OTUD7A: variants seen among roughly 807,000 people sequenced by gnomAD.
The protein encoded by OTUD7A is OTU domain-containing protein 7A.
In OTUD7A, 12 loss-of-function variants were observed where a neutral mutation model predicts 65.7. The ratio of observed to expected loss-of-function variants is 0.18; its 90% confidence interval spans 0.12 to 0.30. The LOEUF (loss-of-function observed/expected upper bound fraction) is 0.30, where lower values mean the gene tolerates loss of function less well. Ranked by LOEUF, OTUD7A falls within the 10% of genes least tolerant of loss-of-function variation. The pLI, the probability that OTUD7A is intolerant of heterozygous loss-of-function variation, is 1.00. For missense variants in OTUD7A, 1,148 were observed against 1,304.8 expected (o/e 0.88, Z 1.85); for synonymous variants, 641 against 586.3 (o/e 1.09, Z -1.35).
At chr15:31,771,202 A>G (rs1053872938) in intron 1 of OTUD7A, among the ~76,000 whole-genome samples, 1 of 152,226 alleles carries the variant, frequency 6.6e-6, no homozygotes, top group Admixed American at 6.5e-5. Flanking sequence ...AAGGTCATAG[A>G]AGGGTAGATA....
intron 5 of OTUD7A, among the ~76,000 whole-genome samples, chr15:31,535,361 T>C (rs28401427): frequency 0.39 from 59,581 of 151,998 alleles, 12,268 homozygotes; most frequent in East Asian, 0.68. Context: ...CTTCCCCTTC[T>C]GCCATGATTG....
At chr15:31,867,551 G>T in intron 1 of OTUD7A, among the ~76,000 whole-genome samples, 1 of 152,182 alleles carries the variant, frequency 6.6e-6, no homozygotes, top group East Asian at 1.9e-4. Flanking sequence ...GGGTCCCAGG[G>T]CCTAAGTCAA....
intron 1 of OTUD7A, among the ~76,000 whole-genome samples, chr15:31,802,664 A>G (rs776698836): frequency 7.9e-5 from 12 of 152,254 alleles, no homozygotes; most frequent in Non-Finnish European, 1.5e-4. Context: ...CTGCAATAGC[A>G]CATTTGAGAT....
rs1373426500 is a variant in OTUD7A, at chr15:31,860,646, T to TATGTGTGTATATATAG, written c.-100+9860_-100+9861insCTATATATACACACAT. Among the ~76,000 whole-genome samples the TATGTGTGTATATATAG allele has an allele frequency of 4.4e-5, 5 of 113,882 alleles. 1 individual carries two copies. Among genetic ancestry groups the TATGTGTGTATATATAG allele is most frequent in the African/African-American group, 1.5e-4 (5 of 32,802 alleles). The allele number at this position is 113,882 out of a possible 152,430, so 74.7% of individuals were successfully genotyped here. A position where few individuals can be genotyped will look rare whatever the true frequency, so the allele number is the denominator to read the frequency against. ...AGATATATATATATATATATATATG[T>TATGTGTGTATATATAG]ATGTATGTGTGTATATATAGATGTA... On this transcript the variant is annotated intron_variant, in intron 1 of 12. Transcript: ENST00000307050.
At position 31,768,090 on chromosome 15, in the gene OTUD7A, TA is replaced by T. The variant is rs930735193; in HGVS notation, c.-100+102416del. The T allele has an allele frequency of 3.1e-6, 5 of 1,598,260 alleles. No homozygotes were observed. The African/African-American group carries it at 6.7e-5, about 21-fold the overall frequency. ...GCTGTGAAACAATTGCCATATTTTT[TA>T]AAGTGTTGTCTGTGTTTTCTTAGAG... is the stretch of plus-strand genomic sequence containing the variant. On this transcript the variant is annotated intron_variant, in intron 1 of 12. Coordinates refer to ENST00000307050, the MANE Select transcript of OTUD7A (RefSeq NM_001382637.1).
intron 1 of OTUD7A, among the ~76,000 whole-genome samples, chr15:31,783,721 C>T (rs1490134432): frequency 6.6e-6 from 1 of 152,160 alleles, no homozygotes; most frequent in Non-Finnish European, 1.5e-5. Context: ...GCACCCTGAA[C>T]TAGCTGTATT....
chr15:31,680,773 T>TGCA (rs777758917), intron 1 of OTUD7A, among the ~76,000 whole-genome samples: 3 of 152,136 alleles, frequency 2.0e-5, no homozygotes, highest in Admixed American at 6.5e-5. Flanking sequence ...AGTAGAAAGG[T>TGCA]GCACTTTGTT....
intron 1 of OTUD7A, among the ~76,000 whole-genome samples, chr15:31,754,664 G>C (rs562223978): frequency 6.6e-6 from 1 of 151,702 alleles, no homozygotes; most frequent in Admixed American, 6.5e-5. Flanking sequence ...TCAGTTGGCT[G>C]TAAGTATTTC....
intron 3 of OTUD7A, among the ~76,000 whole-genome samples, chr15:31,593,431 T>C (rs1336404621): frequency 2.0e-5 from 3 of 152,082 alleles, no homozygotes; most frequent in Middle Eastern, 3.2e-3. Flanking sequence ...CAGTGGGCAG[T>C]GGATGCTGGG....
chr15:31,858,081 T>C (rs1595819012), intron 1 of OTUD7A, among the ~76,000 whole-genome samples: 1 of 152,234 alleles, frequency 6.6e-6, no homozygotes, highest in Admixed American at 6.5e-5. Flanking sequence ...GCAGAACTTA[T>C]TCTCCTGCCA....
intron 1 of OTUD7A, chr15:31,767,349 A>C: frequency 1.3e-6 from 1 of 776,178 alleles, no homozygotes; most frequent in Non-Finnish European, 2.4e-6. Context: ...AAAAGTAAGT[A>C]GAGGTTCAGG....
rs12899883 is a variant in OTUD7A at position 31,483,187 on chromosome 15, G to T, written c.*107C>A. 1 of 993,006 alleles carries T rather than the reference G, an allele frequency of 1.0e-6. No homozygotes were observed. Among genetic ancestry groups the T allele is most frequent in the Non-Finnish European group, 1.2e-6 (1 of 826,962 alleles). 61.5% of individuals were successfully genotyped at this position (993,006 alleles called of 1,614,324 possible). A position where few individuals can be genotyped will look rare whatever the true frequency, so the allele number is the denominator to read the frequency against. On this transcript the variant is annotated 3_prime_UTR_variant, in exon 13 of 13. Coordinates refer to ENST00000307050, the MANE Select transcript of OTUD7A (RefSeq NM_001382637.1). ...CAAACACGTACACGGCACTGACAGA[G>T]GAGGCGCCGGCCTTCCGGTGGACCA...
At chr15:31,825,493 C>T (rs1200910688) in intron 1 of OTUD7A, among the ~76,000 whole-genome samples, 1 of 152,114 alleles carries the variant, frequency 6.6e-6, no homozygotes, top group Non-Finnish European at 1.5e-5. Context: ...CCACTGGGTC[C>T]CTCCCACAAC....
intron 10 of OTUD7A, among the ~76,000 whole-genome samples, chr15:31,500,063 C>T (rs1489989265): frequency 1.3e-5 from 2 of 152,200 alleles, no homozygotes; most frequent in Non-Finnish European, 2.9e-5. Context: ...AACTGGGAGA[C>T]GCTGGCCTTG....
chr15:31,619,164 T>C (rs1399155237), intron 3 of OTUD7A, among the ~76,000 whole-genome samples: 1 of 152,240 alleles, frequency 6.6e-6, no homozygotes, highest in African/African-American at 2.4e-5. Context: ...ACCATGCTGT[T>C]TTGGTTACTG....
intron 1 of OTUD7A, among the ~76,000 whole-genome samples, chr15:31,755,504 G>A (rs1188945281): frequency 2.0e-5 from 3 of 152,170 alleles, no homozygotes; most frequent in African/African-American, 7.2e-5. Context: ...GGTGGATCAC[G>A]AGGTCAGGAG....
At chr15:31,824,657 C>CA (rs756059917) in intron 1 of OTUD7A, among the ~76,000 whole-genome samples, 3 of 152,218 alleles carry the variant, frequency 2.0e-5, no homozygotes, top group South Asian at 2.1e-4. Context: ...TAGATATTCA[C>CA]ACATCCGCTC....
At chr15:31,815,759 G>T (rs28737454) in intron 1 of OTUD7A, among the ~76,000 whole-genome samples, 2,095 of 152,346 alleles carry the variant, frequency 0.014, 43 homozygotes, top group African/African-American at 0.048. Context: ...TCCCACGGGG[G>T]TTGTTTTGAA....
chr15:31,538,537 C>G (rs1186735432), intron 5 of OTUD7A, among the ~76,000 whole-genome samples: 1 of 152,126 alleles, frequency 6.6e-6, no homozygotes, highest in African/African-American at 2.4e-5. Context: ...ATCCGCTGAC[C>G]CTTAACAGGA....
Sources: gnomAD v4.1 joint callset for allele counts (sites outside exome capture counted in the v4.1 genomes callset) on GRCh38, gnomAD v4.1.1 for gene constraint, MANE v1.5 for transcripts, NCBI Gene and HGNC (gene_info 2026-07-23, HGNC 2026-07-21) for gene names.